VSNL1: variants seen among roughly 807,000 people sequenced by gnomAD.
The protein encoded by VSNL1 is visinin-like protein 1.
VSNL1 carries 6 observed loss-of-function variants against 20.4 expected under a neutral mutation model. That is an observed-to-expected ratio of 0.29 (90% CI 0.16 to 0.58). VSNL1 has a LOEUF of 0.58. Among genes scored for constraint, VSNL1 ranks in the 20% least tolerant of loss-of-function variants. The pLI, the probability that VSNL1 is intolerant of heterozygous loss-of-function variation, is 0.90. For missense variants in VSNL1, 100 were observed against 234.5 expected, an observed-to-expected ratio of 0.43 and a Z score of 3.75; for synonymous variants, 93 against 86.4, an observed-to-expected ratio of 1.08 and a Z score of -0.42.
At chr2:17,615,094 C>T (rs2103396873) in intron 2 of VSNL1, among the ~76,000 whole-genome samples, 1 of 152,238 alleles carries the variant, frequency 6.6e-6, no homozygotes, top group East Asian at 1.9e-4. Context: ...CAAAAACCTC[C>T]TGTATCCATG....
rs2103402607 is a variant in VSNL1, at chr2:17,621,364, C to A, written c.163-28046C>A. On this transcript the variant is annotated intron_variant, in intron 2 of 3. Coordinates refer to ENST00000295156, the MANE Select transcript of VSNL1 (RefSeq NM_003385.5). ...CTGAGACACAGTCTCACTCTGTCAC[C>A]CAGACTAGAGTGCAATGACACAATC... is the stretch of plus-strand genomic sequence containing the variant. Among the ~76,000 whole-genome samples the A allele has an allele frequency of 1.3e-5, 2 of 151,148 alleles. 1 individual carries two copies. Among genetic ancestry groups the A allele is most frequent in the South Asian group, 4.2e-4 (2 of 4,748 alleles).
intron 3 of VSNL1, among the ~76,000 whole-genome samples, chr2:17,653,640 C>A (rs1666167175): frequency 6.6e-6 from 1 of 152,140 alleles, no homozygotes; most frequent in Admixed American, 6.5e-5. Flanking sequence ...TAAATACGCA[C>A]AAAATATTTT....
At chr2:17,648,760 A>G (rs539314348) in intron 2 of VSNL1, among the ~76,000 whole-genome samples, 4 of 152,042 alleles carry the variant, frequency 2.6e-5, no homozygotes, top group Non-Finnish European at 5.9e-5. Context: ...TGCCTCCCAC[A>G]CACCCCTGGT....
chr2:17,588,306 T>C lies in VSNL1; in HGVS notation c.-5-3764T>C, dbSNP rs191430540. Among the ~76,000 whole-genome samples, 6 of 152,250 alleles carry C rather than the reference T, an allele frequency of 3.9e-5. No individual in the cohort carries two copies. In the East Asian group the frequency reaches 1.2e-3, roughly 29 times the overall value. The stretch of plus-strand genomic sequence containing the variant: ...ATATTTACAAAACCTATGTGGGAAA[T>C]CAGTGAATGGTAGAGTTGGAAAGGC... On this transcript the variant is annotated intron_variant, in intron 1 of 3. Coordinates refer to ENST00000295156, the MANE Select transcript of VSNL1 (RefSeq NM_003385.5).
rs117475919 is a variant in VSNL1 at position 17,552,950 on chromosome 2, C to T, written c.-6+12032C>T. On this transcript the variant is annotated intron_variant, in intron 1 of 3. Coordinates refer to ENST00000295156, the MANE Select transcript of VSNL1 (RefSeq NM_003385.5). ...AATTTTGGAAAATGAAAATTGTACT[C>T]CTGAGATTAATTGTAAGGATAAACA... is the stretch of plus-strand genomic sequence containing the variant. Among the ~76,000 whole-genome samples the T allele has an allele frequency of 4.4e-4, 67 of 152,166 alleles. 1 individual carries two copies. The East Asian group carries it at 0.012, about 26-fold the overall frequency.
chr2:17,629,878 C>G (rs1665593751), intron 2 of VSNL1, among the ~76,000 whole-genome samples: 2 of 152,154 alleles, frequency 1.3e-5, no homozygotes, highest in African/African-American at 4.8e-5. Flanking sequence ...GTCCCCCACC[C>G]CCACAGTCAG....
chr2:17,592,019 T>C, intron 1 of VSNL1, 51 bp from the exon 2 acceptor site: 1 of 1,608,124 alleles, frequency 6.2e-7, no homozygotes, highest in Non-Finnish European at 8.5e-7. Flanking sequence ...CTAACCAAGT[T>C]TGAAATGATC....
intron 2 of VSNL1, among the ~76,000 whole-genome samples, chr2:17,596,306 G>T (rs1243093102): frequency 6.6e-6 from 1 of 152,154 alleles, no homozygotes; most frequent in Non-Finnish European, 1.5e-5. Flanking sequence ...TGATAGGTTG[G>T]GAAGAAAGCG....
Position 17,655,451 on chromosome 2 carries a change from C to T in VSNL1, c.*57C>T, listed in dbSNP as rs1666209247. The T allele has an allele frequency of 1.4e-6, 1 of 733,368 alleles. No homozygotes were observed. The highest frequency in any genetic ancestry group is 2.1e-5 in the African/African-American group (1 of 46,546). The allele number at this position is 733,368 out of a possible 1,614,324, so 45.4% of individuals were successfully genotyped here. The stretch of plus-strand genomic sequence containing the variant: ...TCTCAATGTTCCATTCAGTCTGCAG[C>T]TATTCACACACACACACACACACAC... On this transcript the variant is annotated 3_prime_UTR_variant, in exon 4 of 4. Coordinates refer to ENST00000295156, the MANE Select transcript of VSNL1 (RefSeq NM_003385.5). The surrounding 1 kb of genome is among the most constrained non-coding windows in gnomAD (Gnocchi z 5.2).
intron 1 of VSNL1, among the ~76,000 whole-genome samples, chr2:17,588,342 A>G (rs1019551436): frequency 2.6e-5 from 4 of 152,216 alleles, no homozygotes; most frequent in African/African-American, 7.2e-5. Context: ...CTTAAAGATC[A>G]TCTGGTCCAA....
chr2:17,600,105 T>C (rs1474271961), intron 2 of VSNL1, among the ~76,000 whole-genome samples: 2 of 152,250 alleles, frequency 1.3e-5, no homozygotes, highest in African/African-American at 4.8e-5. Context: ...TTCTGCAACC[T>C]GAATACAGGT....
intron 1 of VSNL1, among the ~76,000 whole-genome samples, chr2:17,547,929 G>C (rs568310051): frequency 1.3e-5 from 2 of 151,932 alleles, no homozygotes; most frequent in African/African-American, 4.8e-5. Context: ...AATAAAAAAC[G>C]TTTCAGGAGC....
intron 2 of VSNL1, among the ~76,000 whole-genome samples, chr2:17,607,190 A>G (rs1048770437): frequency 6.6e-6 from 1 of 152,178 alleles, no homozygotes; most frequent in African/African-American, 2.4e-5. Context: ...GGGCTGAGCC[A>G]GGAGGCCCTG....
chr2:17,555,549 C>T (rs762332822), intron 1 of VSNL1, among the ~76,000 whole-genome samples: 6 of 152,130 alleles, frequency 3.9e-5, no homozygotes, highest in African/African-American at 9.7e-5. Flanking sequence ...ATTCCTACAA[C>T]GTAGACTCAG....
chr2:17,603,990 G>T (rs993532569), intron 2 of VSNL1, among the ~76,000 whole-genome samples: 1 of 152,124 alleles, frequency 6.6e-6, no homozygotes, highest in Non-Finnish European at 1.5e-5. Flanking sequence ...ACACCAGGGG[G>T]GTCAGCAGGT....
intron 2 of VSNL1, among the ~76,000 whole-genome samples, chr2:17,638,979 T>A (rs1447243153): frequency 2.0e-5 from 3 of 152,172 alleles, no homozygotes; most frequent in Non-Finnish European, 4.4e-5. Context: ...TTGTGTGGGT[T>A]TTATGTTCTT....
At chr2:17,591,114 T>C (rs1664585016) in intron 1 of VSNL1, among the ~76,000 whole-genome samples, 1 of 152,192 alleles carries the variant, frequency 6.6e-6, no homozygotes, top group Non-Finnish European at 1.5e-5. Context: ...GTTTACCTAC[T>C]TACTTGTTAA....
At chr2:17,566,210 T>TA (rs1276311446) in intron 1 of VSNL1, among the ~76,000 whole-genome samples, 1 of 152,326 alleles carries the variant, frequency 6.6e-6, no homozygotes, top group African/African-American at 2.4e-5. Context: ...ATTACAAAGT[T>TA]AGAGTGTACA....
intron 2 of VSNL1, among the ~76,000 whole-genome samples, chr2:17,619,443 T>A (rs538889007): frequency 2.6e-5 from 4 of 152,250 alleles, no homozygotes; most frequent in African/African-American, 9.6e-5. Flanking sequence ...GGAGACATTT[T>A]AGGGCACATA....
Sources: allele counts gnomAD v4.1 joint callset (sites outside exome capture counted in the v4.1 genomes callset), GRCh38; gene constraint gnomAD v4.1.1; non-coding constraint Gnocchi (gnomAD v3.1); transcripts MANE v1.5; gene names NCBI Gene and HGNC (gene_info 2026-07-23, HGNC 2026-07-21).